PPP1R12B: variants seen among roughly 807,000 people sequenced by gnomAD.
PPP1R12B encodes the protein protein phosphatase 1 regulatory subunit 12B, also known as myosin phosphatase target subunit 2.
In PPP1R12B, 76 loss-of-function variants were observed where a neutral mutation model predicts 126.1. The ratio of observed to expected loss-of-function variants is 0.60; its 90% CI spans 0.50 to 0.73. PPP1R12B has a LOEUF of 0.73. Among genes scored for constraint, PPP1R12B ranks in the 30% least tolerant of loss-of-function variants. The probability of loss-of-function intolerance (pLI) is 0.00; values close to 1 mark genes in which losing one functional copy is unlikely to be tolerated. For synonymous variants in PPP1R12B, 356 were observed against 434.7 expected (o/e 0.82, Z 2.25); for missense variants, 1,052 against 1,205.1 (o/e 0.87, Z 1.88).
intron 23 of PPP1R12B, among the ~76,000 whole-genome samples, chr1:202,578,029 C>T (rs559911594): frequency 1.1e-4 from 16 of 152,318 alleles, no homozygotes; most frequent in Admixed American, 9.1e-4. Context: ...CTGTTCATTT[C>T]CCCCTCTCTC....
chr1:202,434,810 A>G, intron 9 of PPP1R12B, 42 bp downstream of exon 9: 1 of 1,608,292 alleles, frequency 6.2e-7, no homozygotes, highest in Non-Finnish European at 8.5e-7. Flanking sequence ...ATTTCACCCT[A>G]CTGCAGTAGC....
chr1:202,580,298 A>G (rs775533904), intron 23 of PPP1R12B, among the ~76,000 whole-genome samples, 176 bp from the exon 24 acceptor site: 21 of 152,212 alleles, frequency 1.4e-4, no homozygotes, highest in Non-Finnish European at 2.8e-4. Flanking sequence ...TAACATTACC[A>G]ACTCAATAAA....
chr1:202,532,015 C>T (rs904349793), intron 18 of PPP1R12B, among the ~76,000 whole-genome samples: 3 of 152,146 alleles, frequency 2.0e-5, no homozygotes, highest in Admixed American at 1.3e-4. Flanking sequence ...CCAAGGGCTG[C>T]TGGTTTTATG....
At chr1:202,547,658 A>G (rs1395761653) in intron 18 of PPP1R12B, among the ~76,000 whole-genome samples, 2 of 152,252 alleles carry the variant, frequency 1.3e-5, no homozygotes, top group African/African-American at 2.4e-5. Flanking sequence ...ATTTTAAAAA[A>G]TGTTTTGCGT....
At chr1:202,396,674 C>T (rs1665027148) in intron 1 of PPP1R12B, among the ~76,000 whole-genome samples, 1 of 152,134 alleles carries the variant, frequency 6.6e-6, no homozygotes, top group Admixed American at 6.6e-5. Context: ...TGTCGCACTG[C>T]AAGGCTTGGC....
At chr1:202,349,604 A>G (rs923965252) in intron 1 of PPP1R12B, among the ~76,000 whole-genome samples, 6 of 152,204 alleles carry the variant, frequency 3.9e-5, no homozygotes, top group Non-Finnish European at 7.3e-5. Context: ...GGTAAAGACA[A>G]GCAGGTCTGA....
At chr1:202,501,837 T>A in intron 18 of PPP1R12B, 1 of 983,196 alleles carries the variant, frequency 1.0e-6, no homozygotes, top group Non-Finnish European at 1.2e-6. Flanking sequence ...TCCTTATTCA[T>A]CCATTTGGTT....
intron 13 of PPP1R12B, among the ~76,000 whole-genome samples, chr1:202,488,169 A>G (rs1394278329): frequency 1.3e-5 from 2 of 152,254 alleles, no homozygotes; most frequent in Non-Finnish European, 2.9e-5. Context: ...ACAACAGTGC[A>G]TGATTTGCAT....
intron 1 of PPP1R12B, among the ~76,000 whole-genome samples, chr1:202,412,459 C>T (rs1353591478): frequency 6.6e-6 from 1 of 152,138 alleles, no homozygotes; most frequent in Non-Finnish European, 1.5e-5. Context: ...ACTAGCTGGG[C>T]TTATTTTAGG....
chr1:202,532,283 G>C (rs550883744), intron 18 of PPP1R12B, among the ~76,000 whole-genome samples: 2 of 152,314 alleles, frequency 1.3e-5, no homozygotes, highest in African/African-American at 4.8e-5. Context: ...GTTTTGGTGG[G>C]TTTTGGCTGG....
intron 18 of PPP1R12B, among the ~76,000 whole-genome samples, chr1:202,497,917 A>G (rs1243747283): frequency 6.6e-6 from 1 of 152,224 alleles, no homozygotes; most frequent in Admixed American, 6.5e-5. Context: ...ATTATAACTC[A>G]AAGCATATAT....
chr1:202,442,551 A>T lies in PPP1R12B; in HGVS notation c.1646A>T (p.Tyr549Phe). The T allele has an allele frequency of 6.2e-7, 1 of 1,612,818 alleles. No homozygotes were observed. The highest frequency in any genetic ancestry group is 8.5e-7 in the Non-Finnish European group (1 of 1,179,564). Residue 549 changes from tyrosine (Y) to phenylalanine (F), a missense_variant, in exon 12 of 24, where the codon TAT becomes TTT. Coordinates refer to ENST00000608999, the MANE Select transcript of PPP1R12B (RefSeq NM_002481.4). ...EIPQTIAPST[Y>F]VSTYLKRTPH... Reference sequence around the variant, plus strand: ...CCACAGACAATTGCTCCCTCCACCTATGTATCAACTTACTTGAAAAGGTAC... The same window carrying T: ...CCACAGACAATTGCTCCCTCCACCTTTGTATCAACTTACTTGAAAAGGTAC...
At chr1:202,511,134 G>C (rs1293174305) in intron 18 of PPP1R12B, among the ~76,000 whole-genome samples, 1 of 148,930 alleles carries the variant, frequency 6.7e-6, no homozygotes, top group East Asian at 2.0e-4. Context: ...GTGGTTTTTT[G>C]GTTACATGAA....
intron 1 of PPP1R12B, among the ~76,000 whole-genome samples, chr1:202,356,428 G>C (rs1250782676): frequency 6.6e-6 from 1 of 152,090 alleles, no homozygotes; most frequent in Non-Finnish European, 1.5e-5. Context: ...GCTGTTGGAA[G>C]ATGTGGTAGG....
At position 202,440,655 on chromosome 1, in the gene PPP1R12B, G is replaced by C. The variant is rs112967533; in HGVS notation, c.1459-51G>C. Reference sequence around the variant, plus strand: ...TGCTTTTTTACTCAAAATGTTTTATGCTGTGCCAGTATTGTACCTTTCTTG... The same window carrying C: ...TGCTTTTTTACTCAAAATGTTTTATCCTGTGCCAGTATTGTACCTTTCTTG... On this transcript the variant is annotated intron_variant, in intron 10 of 23. Coordinates refer to ENST00000608999, the MANE Select transcript of PPP1R12B (RefSeq NM_002481.4). The C allele has an allele frequency of 1.8e-4, 241 of 1,345,546 alleles. No individual in the cohort carries two copies. The African/African-American group carries it at 2.4e-3, about 13-fold the overall frequency. 83.4% of individuals were successfully genotyped at this position (1,345,546 alleles called of 1,614,324 possible). A position where few individuals can be genotyped will look rare whatever the true frequency, so the allele number is the denominator to read the frequency against.
chr1:202,375,730 T>C (rs1661073965), intron 1 of PPP1R12B, among the ~76,000 whole-genome samples: 1 of 152,178 alleles, frequency 6.6e-6, no homozygotes, highest in South Asian at 2.1e-4. Context: ...TTTTAATCTT[T>C]ATTTTGTAGA....
rs1690021836 is a variant in PPP1R12B, at chr1:202,589,368, TGGGGAGA to T, written c.*8811_*8817del. 1.3e-5 allele frequency: 2 copies of T among 152,080 alleles called. No homozygotes were observed. Among genetic ancestry groups the T allele is most frequent in the Admixed American group, 1.3e-4 (2 of 15,270 alleles). 9.4% of individuals were successfully genotyped at this position (152,080 alleles called of 1,614,324 possible). The stretch of plus-strand genomic sequence containing the variant: ...AAGCGGAAATCCCTGGTCACTGACT[TGGGGAGA>T]GGTCAGGGAGGGAAGATTCTTCTCC... On this transcript the variant is annotated 3_prime_UTR_variant, in exon 24 of 24. Coordinates refer to ENST00000608999, the MANE Select transcript of PPP1R12B (RefSeq NM_002481.4).
intron 18 of PPP1R12B, among the ~76,000 whole-genome samples, chr1:202,503,685 A>G (rs913781270): frequency 4.6e-5 from 7 of 152,198 alleles, no homozygotes; most frequent in African/African-American, 1.7e-4. Flanking sequence ...CTGGTACCTG[A>G]CCCTGAGAAT....
Position 202,523,820 on chromosome 1 carries a change from T to C in PPP1R12B, c.2490+26998T>C, listed in dbSNP as rs148807401. ...AGCTCCATCTCCCAGGTTCAAGCGA[T>C]TCTCCTGCCTCAGCCTCCTGAGTAG... On this transcript the variant is annotated intron_variant, in intron 18 of 23. Transcript: ENST00000608999. Among the ~76,000 whole-genome samples, 535 of 152,338 alleles carry C rather than the reference T, an allele frequency of 3.5e-3. 2 individuals are homozygous for C. The highest frequency in any genetic ancestry group is 5.7e-3 in the Non-Finnish European group (386 of 68,032).
Sources: allele counts gnomAD v4.1 joint callset (sites outside exome capture counted in the v4.1 genomes callset), GRCh38; gene constraint gnomAD v4.1.1; transcripts MANE v1.5; gene names NCBI Gene and HGNC (gene_info 2026-07-23, HGNC 2026-07-21).